ABCC2: variants seen among roughly 807,000 people sequenced by gnomAD.
The protein encoded by ABCC2 is ATP-binding cassette sub-family C member 2.
Under a neutral mutation model 173.4 loss-of-function variants are expected in ABCC2, and 157 were observed. The ratio of observed to expected loss-of-function variants is 0.91; its 90% confidence interval spans 0.80 to 1.03. The LOEUF (loss-of-function observed/expected upper bound fraction) is 1.03, where lower values mean the gene tolerates loss of function less well. ABCC2 is among the 50% of genes least tolerant of loss of function. ABCC2 has a pLI of 0.00. For missense variants in ABCC2, 1,822 were observed against 1,852.3 expected (o/e 0.98, Z 0.30); for synonymous variants, 657 against 693.5 (o/e 0.95, Z 0.83).
chr10:99,823,286 G>A (rs2038571736), intron 19 of ABCC2, among the ~76,000 whole-genome samples: 1 of 152,026 alleles, frequency 6.6e-6, no homozygotes, highest in Non-Finnish European at 1.5e-5. Context: ...GTGCTTTTAT[G>A]AATGCAGATG....
intron 19 of ABCC2, among the ~76,000 whole-genome samples, chr10:99,821,382 C>T (rs1353339962): frequency 6.6e-6 from 1 of 152,140 alleles, no homozygotes; most frequent in Non-Finnish European, 1.5e-5. Context: ...AGCACAGACC[C>T]TTTACGGGTG....
chr10:99,825,639 C>T (rs900087788), intron 19 of ABCC2, among the ~76,000 whole-genome samples: 48 of 152,362 alleles, frequency 3.2e-4, no homozygotes, highest in African/African-American at 9.6e-4. Context: ...AACTGAATTT[C>T]GCCTTTATAG....
intron 14 of ABCC2, among the ~76,000 whole-genome samples, chr10:99,811,324 T>C (rs570856605): frequency 6.7e-6 from 1 of 149,826 alleles, no homozygotes; most frequent in Non-Finnish European, 1.5e-5. Context: ...AGTGAGACCA[T>C]GACTCAAAAA....
intron 23 of ABCC2, 139 bp from the exon 24 acceptor site, chr10:99,834,241 A>G: frequency 1.1e-6 from 1 of 909,696 alleles, no homozygotes; most frequent in Non-Finnish European, 1.8e-6. Context: ...GCCTATTGCA[A>G]ATGAACACAA....
At chr10:99,806,234 T>C (rs2038102548) in intron 11 of ABCC2, among the ~76,000 whole-genome samples, 1 of 152,152 alleles carries the variant, frequency 6.6e-6, no homozygotes, top group African/African-American at 2.4e-5. Context: ...ACAAGGTTGC[T>C]TTCAAGTGGT....
At chr10:99,789,898 C>A (rs2037785048) in intron 2 of ABCC2, among the ~76,000 whole-genome samples, 1 of 152,098 alleles carries the variant, frequency 6.6e-6, no homozygotes, top group Non-Finnish European at 1.5e-5. Context: ...AGTCAGTCCC[C>A]TCCACATTAC....
intron 11 of ABCC2, among the ~76,000 whole-genome samples, chr10:99,805,853 G>T (rs773320995): frequency 1.1e-4 from 17 of 152,116 alleles, no homozygotes; most frequent in Admixed American, 2.0e-4. Flanking sequence ...TGCTGTGTAT[G>T]TAGCTCTAAA....
In ABCC2 at chr10:99,845,688, T is replaced by C; in HGVS notation, c.4052T>C (p.Leu1351Ser). 2.5e-6 allele frequency: 4 copies of C among 1,613,970 alleles called. No homozygotes were observed. Among genetic ancestry groups the C allele is most frequent in the Non-Finnish European group, 3.4e-6 (4 of 1,179,930 alleles). The change falls in exon 29 of 32, where the codon TTA becomes TCA. Residue 1351 changes from leucine (L) to serine (S), a missense_variant. By Grantham distance (145) the Leu-to-Ser change is moderately radical. Transcript: ENST00000647814. The part of the protein sequence containing the change: ...SSLTNCLFRI[L>S]EAAGGQIIID... Reference sequence around the variant, plus strand: ...CTCACAAACTGCCTCTTCAGAATCTTAGAGGCTGCCGGTGGTCAGATTATC... The same window carrying C: ...CTCACAAACTGCCTCTTCAGAATCTCAGAGGCTGCCGGTGGTCAGATTATC...
chr10:99,815,168 C>A (rs1443542727), intron 16 of ABCC2, among the ~76,000 whole-genome samples: 2 of 152,036 alleles, frequency 1.3e-5, no homozygotes, highest in Admixed American at 1.3e-4. Flanking sequence ...CCCTGTTCAA[C>A]TCCCAGTTAT....
intron 6 of ABCC2, among the ~76,000 whole-genome samples, chr10:99,796,642 G>A (rs1404717859): frequency 3.3e-5 from 5 of 152,016 alleles, no homozygotes; most frequent in African/African-American, 9.7e-5. Flanking sequence ...CCAAGATTGC[G>A]CTACTGCACT....
chr10:99,792,628 A>C (rs1247542899), intron 3 of ABCC2, among the ~76,000 whole-genome samples: 1 of 152,210 alleles, frequency 6.6e-6, no homozygotes, highest in African/African-American at 2.4e-5. Context: ...CTTGCCATCT[A>C]AGGGTCACAG....
rs1343026165 is a variant in ABCC2 at position 99,813,700 on chromosome 10, ACT to A, written c.2094+559_2094+560del. 3.3e-5 allele frequency among the ~76,000 whole-genome samples: 5 copies of A among 151,358 alleles called. No individual in the cohort carries two copies. In the South Asian group the frequency reaches 8.4e-4, roughly 25 times the overall value. On this transcript the variant is annotated intron_variant, in intron 16 of 31. Coordinates refer to ENST00000647814, the MANE Select transcript of ABCC2 (RefSeq NM_000392.5). ...ACTCCAGCCTGAGTGACAGAGAGAG[ACT>A]CTGTCTCAAAAAAAAAAAAGTATAG...
Position 99,819,265 on chromosome 10 carries a change from C to G in ABCC2, c.2616C>G (p.Ala872=), listed in dbSNP as rs752250935. The G allele has an allele frequency of 6.2e-7, 1 of 1,613,282 alleles. No homozygotes were observed. The highest frequency in any genetic ancestry group is 8.5e-7 in the Non-Finnish European group (1 of 1,179,892). The change falls in exon 19 of 32, where the codon GCC becomes GCG. Residue 872 remains alanine (A), a synonymous_variant. Transcript: ENST00000647814. The stretch of plus-strand genomic sequence containing the variant: ...GACATACAGGCCCTGAAGAGGAAGC[C>G]ACAGGTATGTAAGAAGGATTGGGAC... ...FLRHTGPEEE[A]TVHDGSEEED... is the part of the protein sequence containing the mutation.
rs890817255 is a variant in ABCC2 at position 99,852,421 on chromosome 10, G to C, written c.*790G>C. Among the ~76,000 whole-genome samples the C allele has an allele frequency of 6.6e-5, 10 of 152,032 alleles. No homozygotes were observed. The highest frequency in any genetic ancestry group is 2.4e-4 in the African/African-American group (10 of 41,380). On this transcript the variant is annotated 3_prime_UTR_variant, in exon 32 of 32. Transcript: ENST00000647814. ...GATGAATATATTTTCATGTTTCTGG[G>C]GCATTTGCATTTCCACTTGTTTTTT...
rs778502736 is a variant in ABCC2 at position 99,851,656 on chromosome 10, G to T, written c.*25G>T. 2 of 1,600,790 alleles carry T rather than the reference G, an allele frequency of 1.2e-6. No homozygotes were observed. Among genetic ancestry groups the T allele is most frequent in the Non-Finnish European group, 1.7e-6 (2 of 1,170,896 alleles). On this transcript the variant is annotated 3_prime_UTR_variant, in exon 32 of 32. Coordinates refer to ENST00000647814, the MANE Select transcript of ABCC2 (RefSeq NM_000392.5). ...GCAGAAGGCCCCATGGGTTAGAAAA[G>T]GACTATAAGAATAATTTCTTATTTA...
intron 5 of ABCC2, 137 bp from the exon 6 acceptor site, chr10:99,794,276 G>A (rs1242725490): frequency 1.1e-6 from 1 of 873,114 alleles, no homozygotes; most frequent in Non-Finnish European, 1.9e-6. Context: ...ATAAACACAT[G>A]TTGATAAGCT....
rs1218342933 is a variant in ABCC2 at position 99,850,708 on chromosome 10, C to T, written c.4420C>T (p.Leu1474Phe). Residue 1474 changes from leucine to phenylalanine, a missense_variant, in exon 31 of 32, where the codon CTC becomes TTC. Physicochemically the swap from Leu to Phe is conservative, Grantham distance 22. Transcript: ENST00000647814. Reference sequence around the variant, plus strand: ...TGCGGTGGATCTAGAGACAGACAACCTCATTCAGACGACCATCCAAAACGA... The same window carrying T: ...TGCGGTGGATCTAGAGACAGACAACTTCATTCAGACGACCATCCAAAACGA... ...TAAVDLETDNLIQTTIQNEFA... is the reference protein window; with the variant it reads ...TAAVDLETDNFIQTTIQNEFA... The T allele has an allele frequency of 1.9e-6, 3 of 1,614,206 alleles. No individual in the cohort carries two copies. Among genetic ancestry groups the T allele is most frequent in the African/African-American group, 2.7e-5 (2 of 75,040 alleles).
At chr10:99,825,923 AGGAACAAATGGCTGAATTG>A (rs2038631121) in intron 19 of ABCC2, among the ~76,000 whole-genome samples, 2 of 152,254 alleles carry the variant, frequency 1.3e-5, no homozygotes, top group Admixed American at 6.5e-5. Flanking sequence ...GAAAACCCTG[AGGAACAAATGGCTGAATTG>A]GGAATGCCCC....
chr10:99,818,821 G>C lies in ABCC2; in HGVS notation c.2303G>C (p.Arg768Pro), dbSNP rs536840524. The C allele has an allele frequency of 6.2e-7, 1 of 1,614,064 alleles. No individual in the cohort carries two copies. ...GINLSGGQKQRISLARATYQN... is the reference protein window; with the variant it reads ...GINLSGGQKQPISLARATYQN... Reference sequence around the variant, plus strand: ...AATCTTAGTGGGGGTCAGAAGCAGCGGATCAGCCTGGCCAGAGCTACCTAC... The same window carrying C: ...AATCTTAGTGGGGGTCAGAAGCAGCCGATCAGCCTGGCCAGAGCTACCTAC... The change falls in exon 18 of 32, where the codon CGG (arginine) becomes CCG (proline). Residue 768 changes from arginine (R) to proline (P), a missense_variant. Transcript: ENST00000647814.
Sources: allele counts gnomAD v4.1 joint callset (sites outside exome capture counted in the v4.1 genomes callset), GRCh38; gene constraint gnomAD v4.1.1; transcripts MANE v1.5; gene names NCBI Gene and HGNC (gene_info 2026-07-23, HGNC 2026-07-21).